Variants in TWIST2 observed in about 807,000 individuals in gnomAD.
The protein encoded by TWIST2 is twist family bHLH transcription factor 2, also known as twist-related protein 2.
A neutral mutation model predicts 11.6 loss-of-function variants in TWIST2; 1 was observed. The observed-to-expected ratio is 0.09, with a 90% CI of 0.03 to 0.41. The LOEUF (loss-of-function observed/expected upper bound fraction) is 0.41. TWIST2 is among the 10% of genes least tolerant of loss of function. The probability of loss-of-function intolerance (pLI) is 0.98; values close to 1 mark genes in which losing one functional copy is unlikely to be tolerated. For missense variants in TWIST2, 168 were observed against 226.4 expected, an observed-to-expected ratio of 0.74 and a Z score of 1.66; for synonymous variants, 87 against 96.6, an observed-to-expected ratio of 0.90 and a Z score of 0.58.
rs1315574523 is a variant in TWIST2, at chr2:238,910,235, C to CA, written c.*430dup. 1 of 152,030 alleles carries CA rather than the reference C, an allele frequency of 6.6e-6. No individual in the cohort carries two copies. Among genetic ancestry groups the CA allele is most frequent in the African/African-American group, 2.4e-5 (1 of 41,364 alleles). The allele number at this position is 152,030 out of a possible 1,614,324, so 9.4% of individuals were successfully genotyped here. A position where few individuals can be genotyped will look rare whatever the true frequency, so the allele number is the denominator to read the frequency against. The stretch of plus-strand genomic sequence containing the variant: ...CTATTTTTTTAATAAAACAGAAATG[C>CA]ATTCTTGTACAATTCTGTTGAAACT... On this transcript the variant is annotated 3_prime_UTR_variant, in exon 2 of 2. Transcript: ENST00000612363.
chr2:238,904,295 T>TA (rs1693315286), intron 1 of TWIST2, among the ~76,000 whole-genome samples: 2 of 138,184 alleles, frequency 1.4e-5, no homozygotes, highest in Non-Finnish European at 3.1e-5. Context: ...GTGTGTGTGA[T>TA]GGGGGTGTGT....
chr2:238,882,078 C>T (rs372405551), intron 1 of TWIST2, among the ~76,000 whole-genome samples: 2 of 152,158 alleles, frequency 1.3e-5, no homozygotes, highest in African/African-American at 4.8e-5. Flanking sequence ...GTCTGTGTCT[C>T]TGTGTCTCTC....
chr2:238,853,066 C>T (rs917830667), intron 1 of TWIST2, among the ~76,000 whole-genome samples: 3 of 151,754 alleles, frequency 2.0e-5, no homozygotes, highest in Non-Finnish European at 4.4e-5. Flanking sequence ...GAAGTGGTTC[C>T]CTGTAAGTCT....
chr2:238,854,279 G>A (rs1185298154), intron 1 of TWIST2, among the ~76,000 whole-genome samples: 1 of 152,216 alleles, frequency 6.6e-6, no homozygotes, highest in Non-Finnish European at 1.5e-5. Flanking sequence ...GGGAGGAAAT[G>A]GTAAATTTTG....
chr2:238,879,151 G>A (rs533472077), intron 1 of TWIST2, among the ~76,000 whole-genome samples: 1 of 152,332 alleles, frequency 6.6e-6, no homozygotes, highest in African/African-American at 2.4e-5. Flanking sequence ...TCCCCTCTGA[G>A]ACTGTGAGCC....
chr2:238,910,366 T>C lies in TWIST2; in HGVS notation c.*560T>C, dbSNP rs1693433187. The C allele has an allele frequency of 6.6e-6, 1 of 152,156 alleles. No individual in the cohort carries two copies. Among genetic ancestry groups the C allele is most frequent in the Admixed American group, 6.5e-5 (1 of 15,284 alleles). 9.4% of individuals were successfully genotyped at this position (152,156 alleles called of 1,614,324 possible). ...AATTCTTACTTTCACGCCGCTATTC[T>C]TTTCCTTTCTCCGTGATTGCTTGGC... On this transcript the variant is annotated 3_prime_UTR_variant, in exon 2 of 2. Coordinates refer to ENST00000612363, the MANE Select transcript of TWIST2 (RefSeq NM_001271893.4).
At chr2:238,886,880 G>GGC (rs1220582206) in intron 1 of TWIST2, 2 of 152,226 alleles carry the variant, frequency 1.3e-5, no homozygotes, top group Non-Finnish European at 2.9e-5. Context: ...ACGAAACGTT[G>GGC]GCGGGAGTGA....
At chr2:238,850,726 G>C (rs1447543565) in intron 1 of TWIST2, among the ~76,000 whole-genome samples, 1 of 152,178 alleles carries the variant, frequency 6.6e-6, no homozygotes, top group African/African-American at 2.4e-5. Context: ...TTGGAAAAAA[G>C]CCCTTGAAAA....
At chr2:238,865,085 G>A (rs149303655) in intron 1 of TWIST2, among the ~76,000 whole-genome samples, 4,176 of 152,270 alleles carry the variant, frequency 0.027, 141 homozygotes, top group East Asian at 0.13. Context: ...AAGCATGCAA[G>A]CACTGGGCAA....
intron 1 of TWIST2, among the ~76,000 whole-genome samples, chr2:238,871,867 A>C (rs1171400781): frequency 6.6e-6 from 1 of 152,162 alleles, no homozygotes; most frequent in Non-Finnish European, 1.5e-5. Flanking sequence ...GACGGAAGGC[A>C]GAACGATGGC....
Position 238,880,808 on chromosome 2 carries a change from AGTATTAGTGTTAGTATTTATTG to A in TWIST2, c.*36-29018_*36-28997del, listed in dbSNP as rs1421136307. Among the ~76,000 whole-genome samples, 37 of 124,932 alleles carry A rather than the reference AGTATTAGTGTTAGTATTTATTG, an allele frequency of 3.0e-4. 2 individuals carry two copies. The highest frequency in any genetic ancestry group is 1.0e-4 in the Non-Finnish European group (6 of 58,846). 82.0% of individuals were successfully genotyped at this position (124,932 alleles called of 152,430 possible). ...ATTAGTGTTAGTGTTAGTATTTATT[AGTATTAGTGTTAGTATTTATTG>A]GTATTAGTGTTAGTACTAGTATTTA... On this transcript the variant is annotated intron_variant, in intron 1 of 1. Transcript: ENST00000612363.
chr2:238,897,821 C>T (rs1414082541), intron 1 of TWIST2, among the ~76,000 whole-genome samples: 2 of 152,244 alleles, frequency 1.3e-5, no homozygotes, highest in Non-Finnish European at 2.9e-5. Context: ...CCGGAGCCGT[C>T]TGGCCCTTGG....
intron 1 of TWIST2, among the ~76,000 whole-genome samples, chr2:238,868,495 A>G (rs138570952): frequency 0.015 from 2,218 of 152,282 alleles, 30 homozygotes; most frequent in Non-Finnish European, 0.022. Context: ...CTCAAGGGGT[A>G]TGGCCAGACG....
chr2:238,868,849 G>T (rs1692593838), intron 1 of TWIST2, among the ~76,000 whole-genome samples: 1 of 152,254 alleles, frequency 6.6e-6, no homozygotes, highest in Admixed American at 6.5e-5. Flanking sequence ...GCCGGCCGGT[G>T]CAGGGGCTTG....
chr2:238,854,562 TGA>T (rs1185956222), intron 1 of TWIST2, among the ~76,000 whole-genome samples: 1 of 152,148 alleles, frequency 6.6e-6, no homozygotes, highest in Non-Finnish European at 1.5e-5. Flanking sequence ...CCTTTTGCTG[TGA>T]GAGGGGAGGG....
At chr2:238,880,123 G>A (rs149976833) in intron 1 of TWIST2, among the ~76,000 whole-genome samples, 28 of 147,410 alleles carry the variant, frequency 1.9e-4, no homozygotes, top group East Asian at 6.4e-4. Flanking sequence ...TCGTGCTAGC[G>A]TTAGTATTAG....
chr2:238,877,825 C>T (rs1692834091), intron 1 of TWIST2, among the ~76,000 whole-genome samples: 1 of 152,082 alleles, frequency 6.6e-6, no homozygotes, highest in African/African-American at 2.4e-5. Context: ...ACCTGGAAGA[C>T]TAAGAGAGCA....
chr2:238,863,738 G>A lies in TWIST2; in HGVS notation c.*35+15005G>A, dbSNP rs571232223. On this transcript the variant is annotated intron_variant, in intron 1 of 1. Transcript: ENST00000612363. This position sits in a 1 kb window ranked among gnomAD's most constrained non-coding sequence, Gnocchi z 4.7. ...AATTGAGAAGAGGTGCTTTGACCCC[G>A]ACTCACTCAGTGGAGCTAGAAAAAG... is the stretch of plus-strand genomic sequence containing the variant. Among the ~76,000 whole-genome samples, 3 of 152,334 alleles carry A rather than the reference G, an allele frequency of 2.0e-5. No individual in the cohort carries two copies. The highest frequency in any genetic ancestry group is 3.4e-3 in the Middle Eastern group (1 of 294).
chr2:238,851,078 A>G (rs1692232786), intron 1 of TWIST2, among the ~76,000 whole-genome samples: 1 of 152,258 alleles, frequency 6.6e-6, no homozygotes, highest in African/African-American at 2.4e-5. Context: ...TCTAAGAAGC[A>G]TTAATTATAT....
Sources: gnomAD v4.1 joint callset for allele counts (sites outside exome capture counted in the v4.1 genomes callset) on GRCh38, gnomAD v4.1.1 for gene constraint, Gnocchi (gnomAD v3.1) non-coding constraint, MANE v1.5 for transcripts, NCBI Gene and HGNC (gene_info 2026-07-23, HGNC 2026-07-21) for gene names.